The following PCDH9 variants were observed in gnomAD, a reference collection of about 807,000 sequenced individuals.
PCDH9 encodes protocadherin 9, also known as protocadherin-9.
In PCDH9, 24 loss-of-function variants were observed where a neutral mutation model predicts 70.6. The ratio of observed to expected loss-of-function variants is 0.34; its 90% CI spans 0.25 to 0.48. The LOEUF (loss-of-function observed/expected upper bound fraction) is 0.48. Ranked by LOEUF, PCDH9 falls within the 20% of genes least tolerant of loss-of-function variation. The pLI is 0.99. For missense variants in PCDH9, 1,281 were observed against 1,503.6 expected (o/e 0.85, Z 2.45); for synonymous variants, 562 against 558.5 (o/e 1.01, Z -0.09).
intron 3 of PCDH9, among the ~76,000 whole-genome samples, chr13:66,739,462 T>C (rs1324390293): frequency 6.7e-6 from 1 of 150,160 alleles, no homozygotes; most frequent in Non-Finnish European, 1.5e-5. Flanking sequence ...GCTAACATCA[T>C]AATGACAGGA....
chr13:66,758,531 A>T (rs1436755370), intron 3 of PCDH9, among the ~76,000 whole-genome samples: 1 of 152,070 alleles, frequency 6.6e-6, no homozygotes, highest in African/African-American at 2.4e-5. Context: ...TATTCAATAG[A>T]ACATGATAAT....
At chr13:66,677,870 A>G (rs1006821504) in intron 3 of PCDH9, among the ~76,000 whole-genome samples, 1 of 152,158 alleles carries the variant, frequency 6.6e-6, no homozygotes, top group Non-Finnish European at 1.5e-5. Flanking sequence ...ACAGAAGCAC[A>G]TATAATATTG....
intron 4 of PCDH9, among the ~76,000 whole-genome samples, chr13:66,542,317 T>C (rs1243687746): frequency 1.3e-5 from 2 of 152,146 alleles, no homozygotes; most frequent in Non-Finnish European, 2.9e-5. Flanking sequence ...GACTAGGCTA[T>C]AGCACCCAGT....
intron 4 of PCDH9, among the ~76,000 whole-genome samples, chr13:66,461,411 A>G (rs1445474289): frequency 6.6e-6 from 1 of 151,806 alleles, no homozygotes; most frequent in East Asian, 1.9e-4. Context: ...TTGAATGCAG[A>G]TAAGTGATTA....
At chr13:67,014,263 C>G (rs1392919553) in intron 2 of PCDH9, among the ~76,000 whole-genome samples, 1 of 152,018 alleles carries the variant, frequency 6.6e-6, no homozygotes. Flanking sequence ...TATTGATGCC[C>G]TTTGTAGAAA....
intron 3 of PCDH9, among the ~76,000 whole-genome samples, chr13:66,719,193 C>G (rs1222139877): frequency 6.6e-6 from 1 of 152,154 alleles, no homozygotes; most frequent in Non-Finnish European, 1.5e-5. Context: ...AACTCAACTA[C>G]TCTGTAGCTA....
At chr13:66,637,294 T>G (rs1467085565) in intron 3 of PCDH9, among the ~76,000 whole-genome samples, 2 of 152,196 alleles carry the variant, frequency 1.3e-5, no homozygotes, top group African/African-American at 4.8e-5. Flanking sequence ...TAACAAATAT[T>G]AATACACACA....
intron 3 of PCDH9, among the ~76,000 whole-genome samples, chr13:66,870,062 C>T (rs1274744609): frequency 2.0e-5 from 3 of 152,204 alleles, no homozygotes; most frequent in Admixed American, 2.0e-4. Context: ...TTAGGTCTAA[C>T]ATTTAAGTCT....
chr13:67,026,132 T>C (rs1291271224), intron 2 of PCDH9, among the ~76,000 whole-genome samples: 1 of 152,176 alleles, frequency 6.6e-6, no homozygotes, highest in Non-Finnish European at 1.5e-5. Flanking sequence ...GTTCTGTTTA[T>C]ATGCTGGATT....
chr13:66,701,380 AAT>A (rs1011500060), intron 3 of PCDH9, among the ~76,000 whole-genome samples: 3 of 151,926 alleles, frequency 2.0e-5, no homozygotes, highest in Admixed American at 1.3e-4. Context: ...TGTATGTGTA[AAT>A]ATATATATAC....
intron 3 of PCDH9, among the ~76,000 whole-genome samples, chr13:66,659,142 G>GATA (rs1301790827): frequency 6.6e-6 from 1 of 152,026 alleles, no homozygotes; most frequent in Non-Finnish European, 1.5e-5. Context: ...TTAAAGAAAT[G>GATA]ATAATAATAA....
chr13:66,870,700 A>T (rs2081661970), intron 3 of PCDH9, among the ~76,000 whole-genome samples: 2 of 152,180 alleles, frequency 1.3e-5, no homozygotes, highest in Admixed American at 1.3e-4. Flanking sequence ...ACCATCTCAC[A>T]CCAGTTAGAA....
intron 3 of PCDH9, among the ~76,000 whole-genome samples, chr13:66,725,682 G>GT (rs535816706): frequency 1.8e-3 from 277 of 152,214 alleles, no homozygotes; most frequent in African/African-American, 6.2e-3. Context: ...CAGATAATTT[G>GT]TTTACATCAT....
intron 2 of PCDH9, among the ~76,000 whole-genome samples, chr13:67,184,500 G>A (rs565127049): frequency 2.6e-5 from 4 of 152,218 alleles, no homozygotes; most frequent in African/African-American, 7.2e-5. Context: ...AGGCTAAGGC[G>A]GGCAGTCTCC....
At chr13:66,536,461 T>C (rs189889842) in intron 4 of PCDH9, among the ~76,000 whole-genome samples, 1 of 152,122 alleles carries the variant, frequency 6.6e-6, no homozygotes, top group African/African-American at 2.4e-5. Flanking sequence ...TTATTTTATA[T>C]CTTCTAAATG....
intron 2 of PCDH9, among the ~76,000 whole-genome samples, chr13:67,062,991 A>C (rs2085568725): frequency 6.6e-6 from 1 of 152,152 alleles, no homozygotes; most frequent in South Asian, 2.1e-4. Context: ...TTAGTACTCT[A>C]TATTTACTTA....
intron 2 of PCDH9, among the ~76,000 whole-genome samples, chr13:67,141,310 G>C (rs912750856): frequency 6.6e-6 from 1 of 152,154 alleles, no homozygotes; most frequent in African/African-American, 2.4e-5. Context: ...AAATGGGGCC[G>C]AGTGTGGTGG....
chr13:66,402,345 T>A (rs1008530563), intron 4 of PCDH9, among the ~76,000 whole-genome samples: 6 of 151,990 alleles, frequency 3.9e-5, no homozygotes, highest in Non-Finnish European at 8.8e-5. Context: ...AGAAAAAAAA[T>A]GATTTATTTG....
intron 3 of PCDH9, among the ~76,000 whole-genome samples, chr13:66,640,625 T>G (rs1289889139): frequency 6.6e-6 from 1 of 151,996 alleles, no homozygotes; most frequent in African/African-American, 2.4e-5. Flanking sequence ...AATTACCTAG[T>G]AAGAATGAAA....
Sources: allele counts gnomAD v4.1 joint callset (sites outside exome capture counted in the v4.1 genomes callset), GRCh38; gene constraint gnomAD v4.1.1; transcripts MANE v1.5; gene names NCBI Gene and HGNC (gene_info 2026-07-23, HGNC 2026-07-21).